Variants in TNS4 observed in about 807,000 individuals in gnomAD.
TNS4 encodes tensin-4.
Under a neutral mutation model 70.4 loss-of-function variants are expected in TNS4, and 46 were observed. The observed-to-expected ratio is 0.65, with a 90% CI of 0.52 to 0.84. TNS4 has a LOEUF of 0.84. Among genes scored for constraint, TNS4 ranks in the 40% least tolerant of loss-of-function variants. The pLI is 0.00. For synonymous variants in TNS4, 390 were observed against 366.6 expected (o/e 1.06, Z -0.73); for missense variants, 863 against 907.0 (o/e 0.95, Z 0.62).
At chr17:40,483,845 G>A (rs190650701) in intron 6 of TNS4, among the ~76,000 whole-genome samples, 11 of 152,284 alleles carry the variant, frequency 7.2e-5, no homozygotes, top group African/African-American at 2.4e-4. Flanking sequence ...TATCTCATCC[G>A]TTAAATAAGA....
intron 2 of TNS4, among the ~76,000 whole-genome samples, chr17:40,492,034 G>C (rs1357523462): frequency 6.6e-6 from 1 of 152,148 alleles, no homozygotes; most frequent in African/African-American, 2.4e-5. Context: ...TGGGATGGGG[G>C]CCCCCAGGGC....
intron 2 of TNS4, among the ~76,000 whole-genome samples, chr17:40,489,598 A>C (rs2036039880): frequency 1.3e-5 from 2 of 152,246 alleles, no homozygotes; most frequent in Admixed American, 1.3e-4. Context: ...ACCTGAGGTC[A>C]GGAGTTCAAG....
At chr17:40,497,453 A>C (rs1295899787) in intron 1 of TNS4, among the ~76,000 whole-genome samples, 1 of 152,154 alleles carries the variant, frequency 6.6e-6, no homozygotes, top group Non-Finnish European at 1.5e-5. Flanking sequence ...AAAATATAAA[A>C]ATTAGCTGGC....
In TNS4 at chr17:40,484,492, C is replaced by A. The variant is rs2290207; in HGVS notation, c.1493G>T (p.Ser498Ile). The A allele has an allele frequency of 3.7e-6, 6 of 1,610,438 alleles. No homozygotes were observed. The highest frequency in any genetic ancestry group is 5.1e-6 in the Non-Finnish European group (6 of 1,179,882). The change falls in exon 6 of 13, where the codon AGT (serine) becomes ATT (isoleucine). Residue 498 changes from serine to isoleucine, a missense_variant. Transcript: ENST00000254051. ...CAGAGACAGACGCATACCTGGTCGACTCTGAGCAGACGCGGGAACCTCCTG... is the reference window on the plus strand; with the variant it reads ...CAGAGACAGACGCATACCTGGTCGAATCTGAGCAGACGCGGGAACCTCCTG... ...KVQEVPASAQ[S>I]RPGEDSNDLI...
chr17:40,492,588 T>C (rs1046777510), intron 2 of TNS4, among the ~76,000 whole-genome samples: 1 of 147,942 alleles, frequency 6.8e-6, no homozygotes, highest in Non-Finnish European at 1.5e-5. Context: ...GGCTGGTACA[T>C]GGACTAGTTT....
In TNS4 at chr17:40,488,909, C is replaced by T. The variant is rs1567812279; in HGVS notation, c.500G>A (p.Cys167Tyr). Residue 167 changes from cysteine to tyrosine, a missense_variant, in exon 3 of 13, where the codon TGC becomes TAC. Transcript: ENST00000254051. ...GGGCGGGGTGACAGAGGGGCTGGAG[C>T]AGTGCTGGGGGCCATCGTGGCACCT... ...RSRCHDGPQH[C>Y]SSPSVTPPFG... 9 of 1,611,374 alleles carry T rather than the reference C, an allele frequency of 5.6e-6. No homozygotes were observed. The highest frequency in any genetic ancestry group is 7.6e-6 in the Non-Finnish European group (9 of 1,179,216).
intron 2 of TNS4, 88 bp from the exon 3 acceptor site, chr17:40,489,057 TG>T (rs1283968781): frequency 7.8e-7 from 1 of 1,289,262 alleles, no homozygotes; most frequent in Non-Finnish European, 1.0e-6. Context: ...AAGGTCATTC[TG>T]TCCCCCCTCT....
At chr17:40,483,985 A>ACACAGGTATCCCT (rs1263152684) in intron 6 of TNS4, among the ~76,000 whole-genome samples, 1 of 152,202 alleles carries the variant, frequency 6.6e-6, no homozygotes, top group Non-Finnish European at 1.5e-5. Flanking sequence ...TGCCTCACAC[A>ACACAGGTATCCCT]GTGCCTGGTG....
chr17:40,478,895 G>A (rs1050487939), intron 10 of TNS4, among the ~76,000 whole-genome samples: 12 of 152,186 alleles, frequency 7.9e-5, no homozygotes, highest in African/African-American at 2.6e-4. Flanking sequence ...CCCCTACCAC[G>A]CCATTTAATT....
rs545369732 is a variant in TNS4 at position 40,477,420 on chromosome 17, A to G, written c.*168T>C. The G allele has an allele frequency of 2.5e-6, 2 of 784,796 alleles. No individual in the cohort carries two copies. Among genetic ancestry groups the G allele is most frequent in the African/African-American group, 3.5e-5 (2 of 57,030 alleles). 48.6% of individuals were successfully genotyped at this position (784,796 alleles called of 1,614,324 possible). On this transcript the variant is annotated 3_prime_UTR_variant, in exon 13 of 13. Transcript: ENST00000254051. The stretch of plus-strand genomic sequence containing the variant: ...GGCCCGGGGGGTCTGGATGATGGTG[A>G]CTGCTGAAGGCCATAGCAGGTTCAA...
chr17:40,488,970 C>G lies in TNS4; in HGVS notation c.440-1G>C, dbSNP rs2036031507. 1.3e-6 allele frequency: 2 copies of G among 1,560,282 alleles called. No homozygotes were observed. The highest frequency in any genetic ancestry group is 1.7e-6 in the Non-Finnish European group (2 of 1,156,394). ...GAGGTCACCTCGATGTACTTTATGTCTTTGGGGGAGAAAAGCAGAGCATTG... is the reference window on the plus strand; with the variant it reads ...GAGGTCACCTCGATGTACTTTATGTGTTTGGGGGAGAAAAGCAGAGCATTG... On this transcript the variant is annotated splice_acceptor_variant, in intron 2 of 12. Coordinates refer to ENST00000254051, the MANE Select transcript of TNS4 (RefSeq NM_032865.6). LOFTEE classifies it high-confidence loss of function.
chr17:40,493,153 C>T (rs571155966), intron 2 of TNS4, among the ~76,000 whole-genome samples: 3 of 152,056 alleles, frequency 2.0e-5, no homozygotes, highest in Non-Finnish European at 4.4e-5. Flanking sequence ...GGCAACACAA[C>T]GAGACTCTGT....
At chr17:40,493,457 G>A (rs1329872914) in intron 2 of TNS4, among the ~76,000 whole-genome samples, 1 of 152,226 alleles carries the variant, frequency 6.6e-6, no homozygotes, top group Non-Finnish European at 1.5e-5. Flanking sequence ...GGTCTGCGGG[G>A]AGGATTTTGG....
Position 40,478,579 on chromosome 17 carries a change from C to T in TNS4, c.1979+1G>A. On this transcript the variant is annotated splice_donor_variant, in intron 11 of 12. Coordinates refer to ENST00000254051, the MANE Select transcript of TNS4 (RefSeq NM_032865.6). LOFTEE classifies it high-confidence loss of function. ...TTAGTTTGGCCCAGCCTTGAACTTA[C>T]TTCCGTTGCTCAGGGTCCATACCAC... 2 of 1,614,142 alleles carry T rather than the reference C, an allele frequency of 1.2e-6. No homozygotes were observed. The highest frequency in any genetic ancestry group is 2.7e-5 in the African/African-American group (2 of 75,060).
intron 4 of TNS4, among the ~76,000 whole-genome samples, chr17:40,485,794 G>A (rs751710805): frequency 1.1e-4 from 16 of 152,182 alleles, no homozygotes; most frequent in Non-Finnish European, 1.6e-4. Context: ...CAACCTTGGC[G>A]GCTTGAAAAG....
At chr17:40,481,780 AAACCTCTCC>A (rs1215166003) in intron 8 of TNS4, among the ~76,000 whole-genome samples, 1 of 152,256 alleles carries the variant, frequency 6.6e-6, no homozygotes, top group Non-Finnish European at 1.5e-5. Flanking sequence ...TGGAAAGAGA[AAACCTCTCC>A]AAACTATTTG....
intron 1 of TNS4, among the ~76,000 whole-genome samples, 184 bp downstream of exon 1, chr17:40,501,350 G>C (rs2036213005): frequency 6.6e-6 from 1 of 151,482 alleles, no homozygotes; most frequent in Admixed American, 6.6e-5. Context: ...GGGAGGCTGA[G>C]GCAGGAGAAT....
chr17:40,477,406 T>G lies in TNS4; in HGVS notation c.*182A>C, dbSNP rs2035861295. 4.6e-6 allele frequency: 3 copies of G among 652,868 alleles called. No individual in the cohort carries two copies. The highest frequency in any genetic ancestry group is 3.0e-5 in the East Asian group (1 of 33,598). 40.4% of individuals were successfully genotyped at this position (652,868 alleles called of 1,614,324 possible). A position where few individuals can be genotyped will look rare whatever the true frequency, so the allele number is the denominator to read the frequency against. ...ATTGAGGAAACTGAGGCCCGGGGGG[T>G]CTGGATGATGGTGACTGCTGAAGGC... On this transcript the variant is annotated 3_prime_UTR_variant, in exon 13 of 13. Transcript: ENST00000254051.
At chr17:40,497,505 G>A (rs60591131) in intron 1 of TNS4, among the ~76,000 whole-genome samples, 1,771 of 152,296 alleles carry the variant, frequency 0.012, 34 homozygotes, top group African/African-American at 0.039. Context: ...CAGGAGACTG[G>A]GGCAGGAGGA....
Sources: gnomAD v4.1 joint callset for allele counts (sites outside exome capture counted in the v4.1 genomes callset) on GRCh38, gnomAD v4.1.1 for gene constraint, MANE v1.5 for transcripts, NCBI Gene and HGNC (gene_info 2026-07-23, HGNC 2026-07-21) for gene names.